RUFY3: variants seen among roughly 807,000 people sequenced by gnomAD.
RUFY3 encodes the protein protein RUFY3.
A neutral mutation model predicts 84.0 loss-of-function variants in RUFY3; 34 were observed. The ratio of observed to expected loss-of-function variants is 0.40; its 90% confidence interval spans 0.31 to 0.54. RUFY3 has a LOEUF of 0.54. Ranked by LOEUF, RUFY3 falls within the 20% of genes least tolerant of loss-of-function variation. RUFY3 has a pLI of 0.39. For missense variants in RUFY3, 507 were observed against 736.8 expected (o/e 0.69, Z 3.61); for synonymous variants, 242 against 252.9 (o/e 0.96, Z 0.41).
intron 1 of RUFY3, among the ~76,000 whole-genome samples, chr4:70,750,618 A>T (rs987781436): frequency 2.0e-4 from 31 of 152,218 alleles, no homozygotes; most frequent in Admixed American, 1.8e-3. Context: ...CTGTGCATCC[A>T]TCACCACTCT....
chr4:70,786,322 G>C (rs1247073681), intron 10 of RUFY3, among the ~76,000 whole-genome samples: 1 of 152,066 alleles, frequency 6.6e-6, no homozygotes. Context: ...CTGGTCCTCT[G>C]TTGCATAGTG....
chr4:70,802,847 T>C (rs1439672739), intron 15 of RUFY3, 109 bp from the exon 16 acceptor site: 3 of 721,316 alleles, frequency 4.2e-6, no homozygotes, highest in East Asian at 5.3e-5. Flanking sequence ...AGACCTACAG[T>C]ATTTCTTGTT....
chr4:70,710,365 A>G (rs879343511), intron 1 of RUFY3, among the ~76,000 whole-genome samples: 1 of 152,122 alleles, frequency 6.6e-6, no homozygotes, highest in Non-Finnish European at 1.5e-5. Flanking sequence ...TTAATTGTTT[A>G]GTAGTACTCT....
intron 1 of RUFY3, 143 bp from the exon 2 acceptor site, chr4:70,762,376 C>T (rs1035871640): frequency 3.3e-5 from 22 of 670,628 alleles, no homozygotes; most frequent in Non-Finnish European, 5.1e-5. Flanking sequence ...GTTCATTTTA[C>T]TGCTTCATTG....
chr4:70,803,453 C>CTT (rs369264240), intron 16 of RUFY3, among the ~76,000 whole-genome samples: 10,032 of 145,258 alleles, frequency 0.069, 516 homozygotes, highest in East Asian at 0.21. Context: ...TACTGCTTTC[C>CTT]TTTTTTTTTT....
intron 1 of RUFY3, among the ~76,000 whole-genome samples, chr4:70,744,678 G>A (rs1721896969): frequency 6.9e-6 from 1 of 145,892 alleles, no homozygotes; most frequent in African/African-American, 2.5e-5. Flanking sequence ...TTTTGAGATG[G>A]AGTTTCGCTC....
At chr4:70,742,395 GACAC>G (rs972853718) in intron 1 of RUFY3, among the ~76,000 whole-genome samples, 2 of 152,028 alleles carry the variant, frequency 1.3e-5, no homozygotes. Context: ...ACACACCCCT[GACAC>G]ACACACATCC....
rs892999552 is a variant in RUFY3 at position 70,807,613 on chromosome 4, C to T, written c.*954C>T. On this transcript the variant is annotated 3_prime_UTR_variant, in exon 18 of 18. Coordinates refer to ENST00000381006, the MANE Select transcript of RUFY3 (RefSeq NM_001037442.4). The stretch of plus-strand genomic sequence containing the variant: ...ACAGCTCACTGAATCCCTGTTCTCC[C>T]GGGCCTCAAGCAATCTTCCCACCTT... 2.6e-5 allele frequency among the ~76,000 whole-genome samples: 4 copies of T among 151,452 alleles called. No homozygotes were observed. The South Asian group carries it at 6.3e-4, about 24-fold the overall frequency.
intron 1 of RUFY3, among the ~76,000 whole-genome samples, chr4:70,735,454 T>G (rs771644171): frequency 2.0e-5 from 3 of 152,248 alleles, no homozygotes; most frequent in South Asian, 2.1e-4. Context: ...TGAAAAAGAC[T>G]TCTTCCCAAA....
upstream of RUFY3, among the ~76,000 whole-genome samples, chr4:70,720,138 GC>G (rs1395723938): frequency 1.6e-4 from 24 of 151,804 alleles, no homozygotes; most frequent in South Asian, 5.0e-3. Context: ...TGCAGCCTCT[GC>G]CTCCTGGCCT....
At chr4:70,771,588 G>A (rs1450654511) in intron 5 of RUFY3, among the ~76,000 whole-genome samples, 4 of 152,098 alleles carry the variant, frequency 2.6e-5, no homozygotes, top group Admixed American at 6.6e-5. Flanking sequence ...CCGGAGTGCC[G>A]TGGAGTGAAC....
intron 1 of RUFY3, among the ~76,000 whole-genome samples, chr4:70,760,555 T>G (rs868645531): frequency 0.03 from 4,066 of 135,846 alleles, 77 homozygotes; most frequent in Middle Eastern, 0.059. Context: ...CCCAGCTCTA[T>G]TTTTTTTTTT....
At chr4:70,738,651 C>T (rs994327722) in intron 1 of RUFY3, among the ~76,000 whole-genome samples, 5 of 151,926 alleles carry the variant, frequency 3.3e-5, no homozygotes, top group Admixed American at 2.6e-4. Context: ...CGTGAGCCAC[C>T]GTGCCCAGCC....
At chr4:70,793,672 TC>T in intron 12 of RUFY3, 112 bp from the exon 13 acceptor site, 2 of 1,584,182 alleles carry the variant, frequency 1.3e-6, no homozygotes, top group Non-Finnish European at 1.7e-6. Flanking sequence ...TTTTCCTCTC[TC>T]TGTCTCTCTG....
At chr4:70,707,279 G>T (rs968798800) in intron 1 of RUFY3, among the ~76,000 whole-genome samples, 1 of 152,118 alleles carries the variant, frequency 6.6e-6, no homozygotes, top group Non-Finnish European at 1.5e-5. Context: ...TTGTTTTTGA[G>T]ACGGAGTCTC....
rs147679380 is a variant in RUFY3 at position 70,797,184 on chromosome 4, A to G, written c.1557+2290A>G. Among the ~76,000 whole-genome samples the G allele has an allele frequency of 3.6e-3, 543 of 151,896 alleles. 2 individuals are homozygous for G. Among genetic ancestry groups the G allele is most frequent in the African/African-American group, 0.013 (527 of 41,428 alleles). ...TCTTCAACTCCTGGGCTCAAGCGAT[A>G]TGCCTGCCTCAGCCTCCCAAAGTGC... On this transcript the variant is annotated intron_variant, in intron 14 of 17. Transcript: ENST00000381006.
At chr4:70,742,391 C>A (rs1209589000) in intron 1 of RUFY3, among the ~76,000 whole-genome samples, 2 of 152,094 alleles carry the variant, frequency 1.3e-5, no homozygotes, top group Non-Finnish European at 2.9e-5. Flanking sequence ...TAGCACACAC[C>A]CCTGACACAC....
At chr4:70,745,901 C>T (rs1166445081) in intron 1 of RUFY3, among the ~76,000 whole-genome samples, 4 of 152,116 alleles carry the variant, frequency 2.6e-5, no homozygotes, top group Non-Finnish European at 4.4e-5. Flanking sequence ...GCCTGGCCAA[C>T]ATGACAAAAC....
intron 13 of RUFY3, 114 bp downstream of exon 13, chr4:70,794,018 C>G (rs1187183801): frequency 8.8e-7 from 1 of 1,137,894 alleles, no homozygotes; most frequent in Non-Finnish European, 1.2e-6. Context: ...TTGCAATGTC[C>G]TTTCTCTGGA....
Sources: gnomAD v4.1 joint callset for allele counts (sites outside exome capture counted in the v4.1 genomes callset) on GRCh38, gnomAD v4.1.1 for gene constraint, MANE v1.5 for transcripts, NCBI Gene and HGNC (gene_info 2026-07-23, HGNC 2026-07-21) for gene names.